The following ROCK1 variants were observed in gnomAD, a reference collection of about 807,000 sequenced individuals.
ROCK1 encodes the protein rho-associated protein kinase 1.
A neutral mutation model predicts 196.8 loss-of-function variants in ROCK1; 36 were observed. That is an observed-to-expected ratio of 0.18 (90% CI 0.14 to 0.24). ROCK1 has a LOEUF of 0.24. Ranked by LOEUF, ROCK1 falls within the 10% of genes least tolerant of loss-of-function variation. The probability of loss-of-function intolerance (pLI) is 1.00; values close to 1 mark genes in which losing one functional copy is unlikely to be tolerated. For synonymous variants in ROCK1, 443 were observed against 515.9 expected, an observed-to-expected ratio of 0.86 and a Z score of 1.91; for missense variants, 920 against 1,562.0, an observed-to-expected ratio of 0.59 and a Z score of 6.93.
At chr18:21,027,206 T>G (rs1209215889) in intron 10 of ROCK1, among the ~76,000 whole-genome samples, 2 of 152,196 alleles carry the variant, frequency 1.3e-5, no homozygotes, top group Non-Finnish European at 2.9e-5. Context: ...CCCAAACTGC[T>G]GCGATTACAG....
chr18:21,091,664 T>C (rs1308304755), intron 1 of ROCK1, among the ~76,000 whole-genome samples: 1 of 151,834 alleles, frequency 6.6e-6, no homozygotes. Flanking sequence ...TTTACATTAG[T>C]AAGGCTGTTA....
At chr18:21,030,487 C>G (rs1018063052) in intron 9 of ROCK1, among the ~76,000 whole-genome samples, 3 of 152,140 alleles carry the variant, frequency 2.0e-5, no homozygotes, top group African/African-American at 7.2e-5. Flanking sequence ...AAAGAGAGAA[C>G]AGAGTAAGTG....
intron 2 of ROCK1, among the ~76,000 whole-genome samples, chr18:21,056,476 C>T (rs1252934010): frequency 6.6e-6 from 1 of 152,098 alleles, no homozygotes; most frequent in Non-Finnish European, 1.5e-5. Flanking sequence ...TGTTGGCTCT[C>T]TCTTTGAAAT....
chr18:21,077,692 A>G (rs1218132042), intron 1 of ROCK1, among the ~76,000 whole-genome samples: 3 of 152,162 alleles, frequency 2.0e-5, no homozygotes, highest in Non-Finnish European at 4.4e-5. Flanking sequence ...AGGCAAAAAA[A>G]GCATGCTAAG....
At position 20,989,185 on chromosome 18, in the gene ROCK1, A is replaced by T. The variant is rs149310950; in HGVS notation, c.2143+1991T>A. 1.9e-3 allele frequency among the ~76,000 whole-genome samples: 294 copies of T among 152,342 alleles called. 2 individuals carry two copies. The highest frequency in any genetic ancestry group is 6.8e-3 in the African/African-American group (284 of 41,574). The stretch of plus-strand genomic sequence containing the variant: ...CTGATGAGTAGAACAACTCTTGGCA[A>T]GATGATGATGTGATGTTCAGTAGCC... On this transcript the variant is annotated intron_variant, in intron 18 of 32. Coordinates refer to ENST00000399799, the MANE Select transcript of ROCK1 (RefSeq NM_005406.3).
At chr18:21,060,021 A>G (rs915282435) in intron 2 of ROCK1, among the ~76,000 whole-genome samples, 2 of 152,242 alleles carry the variant, frequency 1.3e-5, no homozygotes, top group African/African-American at 4.8e-5. Flanking sequence ...GTGGTTGTCT[A>G]GGGCTGGAAG....
At chr18:21,056,409 G>A (rs2036245413) in intron 2 of ROCK1, among the ~76,000 whole-genome samples, 1 of 152,040 alleles carries the variant, frequency 6.6e-6, no homozygotes, top group South Asian at 2.1e-4. Context: ...AAAAACCTAG[G>A]GGGCATTCTT....
chr18:21,106,181 A>C (rs931977229), intron 1 of ROCK1, among the ~76,000 whole-genome samples: 2 of 152,232 alleles, frequency 1.3e-5, no homozygotes, highest in African/African-American at 4.8e-5. Flanking sequence ...AGAAGTGGAA[A>C]GGTCATGTTC....
chr18:21,059,240 G>A (rs185690338), intron 2 of ROCK1, among the ~76,000 whole-genome samples: 6 of 152,194 alleles, frequency 3.9e-5, no homozygotes, highest in African/African-American at 1.2e-4. Flanking sequence ...GTTATCACTA[G>A]CCTAAAATGA....
chr18:21,030,740 G>A lies in ROCK1; in HGVS notation c.1052-1805C>T, dbSNP rs552216904. 3.9e-5 allele frequency among the ~76,000 whole-genome samples: 6 copies of A among 152,220 alleles called. No homozygotes were observed. In the South Asian group the frequency reaches 1.2e-3, roughly 32 times the overall value. On this transcript the variant is annotated intron_variant, in intron 9 of 32. Transcript: ENST00000399799. ...AAAGATAACTATGGAATAAACATCA[G>A]TATATATTTGTTTAAAAATTTGTTT...
chr18:20,952,858 C>T (rs1013056793), intron 32 of ROCK1, among the ~76,000 whole-genome samples: 8 of 151,858 alleles, frequency 5.3e-5, no homozygotes, highest in African/African-American at 1.9e-4. Flanking sequence ...TCATTCTCAG[C>T]AAACTAACAC....
intron 32 of ROCK1, among the ~76,000 whole-genome samples, chr18:20,952,140 T>A (rs2035194522): frequency 6.6e-6 from 1 of 152,160 alleles, no homozygotes. Context: ...CGCAGCACTT[T>A]GGGAGGCCCA....
In ROCK1 at chr18:21,094,259, C is replaced by T. The variant is rs191538928; in HGVS notation, c.93+16559G>A. On this transcript the variant is annotated intron_variant, in intron 1 of 32. Coordinates refer to ENST00000399799, the MANE Select transcript of ROCK1 (RefSeq NM_005406.3). ...AGTTTTTACTGAAGTTCAACTTAAT[C>T]TTTACCTTTAATGAGACTAGGTTTT... Among the ~76,000 whole-genome samples the T allele has an allele frequency of 2.6e-5, 4 of 152,292 alleles. No homozygotes were observed. In the East Asian group the frequency reaches 7.7e-4, roughly 29 times the overall value.
At chr18:20,958,606 A>G (rs2035269584) in intron 29 of ROCK1, among the ~76,000 whole-genome samples, 1 of 151,312 alleles carries the variant, frequency 6.6e-6, no homozygotes, top group African/African-American at 2.4e-5. Context: ...CTTAATAATG[A>G]CCAAAGAATC....
At chr18:20,952,515 C>T (rs181036664) in intron 32 of ROCK1, among the ~76,000 whole-genome samples, 12 of 151,282 alleles carry the variant, frequency 7.9e-5, no homozygotes, top group Non-Finnish European at 1.3e-4. Flanking sequence ...TGGTGGCTCA[C>T]GCCTGTAATC....
At chr18:21,107,202 A>AC (rs1007638712) in intron 1 of ROCK1, among the ~76,000 whole-genome samples, 1 of 152,200 alleles carries the variant, frequency 6.6e-6, no homozygotes, top group Admixed American at 6.5e-5. Flanking sequence ...TCATGTCAGC[A>AC]CTCAAAAAGT....
intron 13 of ROCK1, among the ~76,000 whole-genome samples, chr18:21,013,615 T>C (rs907771755): frequency 6.6e-6 from 1 of 151,456 alleles, no homozygotes; most frequent in Non-Finnish European, 1.5e-5. Flanking sequence ...TGCTACGCTG[T>C]CTGGGGAGAG....
chr18:21,026,894 A>G (rs1232281807), intron 10 of ROCK1, among the ~76,000 whole-genome samples: 2 of 151,738 alleles, frequency 1.3e-5, no homozygotes, highest in Non-Finnish European at 2.9e-5. Context: ...ATATAGTTCA[A>G]TGCATTATAC....
intron 16 of ROCK1, among the ~76,000 whole-genome samples, chr18:20,993,584 C>T (rs1302430339): frequency 1.3e-5 from 2 of 152,150 alleles, no homozygotes; most frequent in Non-Finnish European, 2.9e-5. Context: ...GTGCCAGACA[C>T]TGCAAAGTGT....
Sources: allele counts gnomAD v4.1 joint callset (sites outside exome capture counted in the v4.1 genomes callset), GRCh38; gene constraint gnomAD v4.1.1; transcripts MANE v1.5; gene names NCBI Gene and HGNC (gene_info 2026-07-23, HGNC 2026-07-21).